EYS: variants seen among roughly 807,000 people sequenced by gnomAD.
EYS encodes EGF-like photoreceptor maintenance factor.
Under a neutral mutation model 282.1 loss-of-function variants are expected in EYS, and 250 were observed. The observed-to-expected ratio is 0.89, with a 90% CI of 0.80 to 0.98. The LOEUF (loss-of-function observed/expected upper bound fraction) is 0.98, where lower values mean the gene tolerates loss of function less well. EYS is among the 50% of genes least tolerant of loss of function. The pLI, the probability that EYS is intolerant of heterozygous loss-of-function variation, is 0.00. For synonymous variants in EYS, 1,355 were observed against 1,282.9 expected, an observed-to-expected ratio of 1.06 and a Z score of -1.20; for missense variants, 4,016 against 3,709.0, an observed-to-expected ratio of 1.08 and a Z score of -2.15.
chr6:65,705,838 G>T (rs1349623638), intron 1 of EYS, among the ~76,000 whole-genome samples: 1 of 151,950 alleles, frequency 6.6e-6, no homozygotes, highest in Non-Finnish European at 1.5e-5. Context: ...GTTAAAAACT[G>T]AGAATTATTT....
At chr6:64,140,223 A>G (rs991206250) in intron 31 of EYS, among the ~76,000 whole-genome samples, 7 of 152,220 alleles carry the variant, frequency 4.6e-5, no homozygotes, top group Non-Finnish European at 1.0e-4. Context: ...ATATTGATTA[A>G]TAAACCTGAA....
At chr6:63,861,721 A>G (rs1772535411) in intron 36 of EYS, among the ~76,000 whole-genome samples, 1 of 152,144 alleles carries the variant, frequency 6.6e-6, no homozygotes, top group Non-Finnish European at 1.5e-5. Context: ...CAAAGGTTTC[A>G]TAAATGGGAT....
At chr6:65,459,568 G>A in intron 5 of EYS, among the ~76,000 whole-genome samples, 1 of 151,808 alleles carries the variant, frequency 6.6e-6, no homozygotes, top group East Asian at 1.9e-4. Flanking sequence ...TGAATGAAAA[G>A]ATAAAATAAA....
chr6:64,667,681 AC>A, intron 22 of EYS, among the ~76,000 whole-genome samples: 1 of 152,186 alleles, frequency 6.6e-6, no homozygotes, highest in South Asian at 2.1e-4. Context: ...GAGATCCAGC[AC>A]CCATAAAACA....
chr6:64,738,585 G>A (rs534215469), intron 22 of EYS, among the ~76,000 whole-genome samples: 2 of 152,202 alleles, frequency 1.3e-5, no homozygotes, highest in East Asian at 1.9e-4. Flanking sequence ...TCAAGTTAAA[G>A]GCCCTTATAT....
At chr6:64,275,892 G>A (rs1257112909) in intron 30 of EYS, among the ~76,000 whole-genome samples, 3 of 151,822 alleles carry the variant, frequency 2.0e-5, no homozygotes, top group African/African-American at 7.3e-5. Context: ...TTGACTCCAG[G>A]GGGCAGAGGT....
At chr6:64,622,879 T>A (rs939860217) in intron 23 of EYS, among the ~76,000 whole-genome samples, 2 of 152,134 alleles carry the variant, frequency 1.3e-5, no homozygotes, top group Non-Finnish European at 2.9e-5. Context: ...GACAGAGAAG[T>A]GGACATGTGT....
chr6:63,869,042 G>T (rs2149711736), intron 35 of EYS, among the ~76,000 whole-genome samples: 1 of 152,210 alleles, frequency 6.6e-6, no homozygotes, highest in African/African-American at 2.4e-5. Flanking sequence ...ACTTTGTGGT[G>T]GCCTAGAAAG....
At chr6:64,381,370 G>GCA (rs887424711) in intron 29 of EYS, among the ~76,000 whole-genome samples, 2 of 151,808 alleles carry the variant, frequency 1.3e-5, no homozygotes, top group African/African-American at 2.4e-5. Flanking sequence ...ACATATATAT[G>GCA]CACACACACA....
intron 15 of EYS, among the ~76,000 whole-genome samples, chr6:64,932,930 A>G (rs1415654183): frequency 1.3e-5 from 2 of 152,114 alleles, no homozygotes; most frequent in Non-Finnish European, 2.9e-5. Flanking sequence ...CTACTAGGAA[A>G]GAGCAAGATT....
At chr6:65,034,410 T>G (rs1367803063) in intron 13 of EYS, among the ~76,000 whole-genome samples, 1 of 152,078 alleles carries the variant, frequency 6.6e-6, no homozygotes, top group South Asian at 2.1e-4. Context: ...CCACTTGAAT[T>G]TCATGTTGAA....
intron 39 of EYS, among the ~76,000 whole-genome samples, chr6:63,784,488 A>G (rs1770315647): frequency 6.6e-6 from 1 of 152,172 alleles, no homozygotes; most frequent in East Asian, 1.9e-4. Flanking sequence ...TAATTGGCTC[A>G]TGGTTTCACA....
chr6:63,884,574 A>C (rs1245480866), intron 35 of EYS, among the ~76,000 whole-genome samples: 2 of 152,172 alleles, frequency 1.3e-5, no homozygotes, highest in Non-Finnish European at 2.9e-5. Context: ...TATTTTAAAA[A>C]TCTTGACCAA....
intron 15 of EYS, among the ~76,000 whole-genome samples, chr6:64,927,913 A>C (rs1768571730): frequency 6.6e-6 from 1 of 152,154 alleles, no homozygotes; most frequent in Non-Finnish European, 1.5e-5. Flanking sequence ...AAATTATTAC[A>C]AAAGGAAAAT....
intron 22 of EYS, among the ~76,000 whole-genome samples, chr6:64,722,789 C>A (rs988358905): frequency 1.3e-5 from 2 of 152,056 alleles, no homozygotes; most frequent in Non-Finnish European, 2.9e-5. Flanking sequence ...AGATATAATT[C>A]TATTTAAACA....
chr6:64,361,046 GT>G (rs1317946711), intron 29 of EYS, among the ~76,000 whole-genome samples: 1 of 151,604 alleles, frequency 6.6e-6, no homozygotes, highest in African/African-American at 2.4e-5. Flanking sequence ...CTGTAGGTTT[GT>G]TTTATTTTTA....
chr6:64,467,991 TGGG>T (rs1399609240), intron 26 of EYS, among the ~76,000 whole-genome samples: 3 of 152,052 alleles, frequency 2.0e-5, no homozygotes, highest in Non-Finnish European at 2.9e-5. Context: ...GTATACTACT[TGGG>T]GGTCAAGGGA....
At chr6:63,769,793 C>T (rs904592434) in intron 40 of EYS, among the ~76,000 whole-genome samples, 2 of 151,936 alleles carry the variant, frequency 1.3e-5, no homozygotes, top group African/African-American at 4.8e-5. Context: ...TTCCTCATTA[C>T]TATAGAAATT....
chr6:65,663,913 C>T (rs558359832), intron 1 of EYS, among the ~76,000 whole-genome samples: 111 of 134,102 alleles, frequency 8.3e-4, no homozygotes, highest in Non-Finnish European at 1.4e-3. Flanking sequence ...GCTCTGTCAT[C>T]CAGGCTGGAG....
Sources: gnomAD v4.1 joint callset for allele counts (sites outside exome capture counted in the v4.1 genomes callset) on GRCh38, gnomAD v4.1.1 for gene constraint, MANE v1.5 for transcripts, NCBI Gene and HGNC (gene_info 2026-07-23, HGNC 2026-07-21) for gene names.